AGBL1: variants seen among roughly 807,000 people sequenced by gnomAD.
The protein encoded by AGBL1 is AGBL carboxypeptidase 1.
AGBL1 carries 130 observed loss-of-function variants against 118.9 expected under a neutral mutation model. That is an observed-to-expected ratio of 1.09 (90% CI 0.95 to 1.26). The LOEUF (loss-of-function observed/expected upper bound fraction) is 1.26. AGBL1 is among the 50% of genes most tolerant of loss of function. The pLI is 0.00. For synonymous variants in AGBL1, 555 were observed against 478.9 expected, an observed-to-expected ratio of 1.16 and a Z score of -2.08; for missense variants, 1,584 against 1,298.1, an observed-to-expected ratio of 1.22 and a Z score of -3.38.
At chr15:86,977,217 A>AT (rs2081184565) in intron 23 of AGBL1, among the ~76,000 whole-genome samples, 2 of 151,814 alleles carry the variant, frequency 1.3e-5, no homozygotes, top group South Asian at 2.1e-4. Flanking sequence ...ATAAAAATTC[A>AT]TTTTTTCATG....
chr15:86,208,358 C>G (rs909559693), intron 5 of AGBL1, among the ~76,000 whole-genome samples: 1 of 151,992 alleles, frequency 6.6e-6, no homozygotes, highest in Non-Finnish European at 1.5e-5. Flanking sequence ...GAGGATTGCC[C>G]CTTTTTCTAT....
chr15:86,269,784 G>A, intron 13 of AGBL1, 135 bp from the exon 14 acceptor site: 1 of 1,034,080 alleles, frequency 9.7e-7, no homozygotes. Context: ...AGGATGATAA[G>A]TATAACTTAC....
chr15:86,735,911 T>G (rs1007355231), intron 22 of AGBL1, among the ~76,000 whole-genome samples: 3 of 152,122 alleles, frequency 2.0e-5, no homozygotes, highest in Admixed American at 6.6e-5. Flanking sequence ...ACGACTTTTA[T>G]GCTCACTTTG....
intron 22 of AGBL1, among the ~76,000 whole-genome samples, chr15:86,755,580 G>C (rs1004614431): frequency 5.3e-5 from 8 of 152,174 alleles, no homozygotes; most frequent in African/African-American, 1.7e-4. Context: ...CCTCTTCCAA[G>C]GATTCTTCCC....
chr15:86,643,554 TA>T (rs1462494147), intron 21 of AGBL1, among the ~76,000 whole-genome samples: 1 of 152,174 alleles, frequency 6.6e-6, no homozygotes, highest in Non-Finnish European at 1.5e-5. Flanking sequence ...TAATTAGATT[TA>T]TAGGACTTGT....
chr15:86,601,735 C>A (rs1332111290), intron 21 of AGBL1, among the ~76,000 whole-genome samples: 1 of 152,080 alleles, frequency 6.6e-6, no homozygotes, highest in Non-Finnish European at 1.5e-5. Context: ...TGACACATTC[C>A]ATTTAATAGC....
At chr15:86,883,358 C>T (rs762432859) in intron 22 of AGBL1, among the ~76,000 whole-genome samples, 63 of 152,226 alleles carry the variant, frequency 4.1e-4, no homozygotes, top group Non-Finnish European at 6.3e-4. Flanking sequence ...CCAGAATCCA[C>T]ACACAGCTTA....
intron 18 of AGBL1, among the ~76,000 whole-genome samples, chr15:86,489,229 G>A (rs566743974): frequency 3.3e-5 from 5 of 152,186 alleles, no homozygotes; most frequent in Admixed American, 2.6e-4. Flanking sequence ...TTATGATAAG[G>A]AGCCTTCCAT....
chr15:86,212,321 A>T (rs1052926205), intron 5 of AGBL1, among the ~76,000 whole-genome samples: 2 of 152,220 alleles, frequency 1.3e-5, no homozygotes, highest in Admixed American at 1.3e-4. Context: ...TAATAAAGAA[A>T]ATTAGAAAGT....
intron 18 of AGBL1, among the ~76,000 whole-genome samples, chr15:86,429,962 G>A (rs761034892): frequency 3.9e-5 from 6 of 152,140 alleles, no homozygotes; most frequent in Non-Finnish European, 8.8e-5. Context: ...GCTTTTCTGG[G>A]GGACAGCACA....
chr15:86,520,501 A>G (rs1307065360), intron 18 of AGBL1, among the ~76,000 whole-genome samples: 1 of 152,100 alleles, frequency 6.6e-6, no homozygotes, highest in Non-Finnish European at 1.5e-5. Flanking sequence ...GGAAATTGTG[A>G]TCTAAAATAG....
At chr15:86,742,495 C>T (rs2077694414) in intron 22 of AGBL1, among the ~76,000 whole-genome samples, 1 of 152,092 alleles carries the variant, frequency 6.6e-6, no homozygotes, top group Non-Finnish European at 1.5e-5. Flanking sequence ...TTCCCATGGG[C>T]TTGAAGTATC....
intron 18 of AGBL1, among the ~76,000 whole-genome samples, chr15:86,480,328 C>T (rs1039687408): frequency 6.6e-6 from 1 of 152,060 alleles, no homozygotes; most frequent in Admixed American, 6.6e-5. Context: ...ATATTGTATA[C>T]TGTAAATGTA....
chr15:86,864,787 T>G (rs144064486), intron 22 of AGBL1, among the ~76,000 whole-genome samples: 3 of 152,190 alleles, frequency 2.0e-5, no homozygotes, highest in Non-Finnish European at 4.4e-5. Flanking sequence ...GGAGTTACGA[T>G]GCACAATCAA....
intron 19 of AGBL1, among the ~76,000 whole-genome samples, chr15:86,524,976 T>A (rs144850956): frequency 2.5e-4 from 38 of 152,314 alleles, no homozygotes; most frequent in African/African-American, 8.9e-4. Context: ...TGTTTGCTAA[T>A]GATATGATCA....
chr15:86,905,505 T>C (rs189684341), intron 22 of AGBL1, among the ~76,000 whole-genome samples: 1 of 152,328 alleles, frequency 6.6e-6, no homozygotes, highest in Non-Finnish European at 1.5e-5. Context: ...ATGCTCTTCT[T>C]CCACACCATG....
intron 22 of AGBL1, among the ~76,000 whole-genome samples, chr15:86,720,008 G>C (rs912438069): frequency 1.3e-5 from 2 of 152,046 alleles, no homozygotes; most frequent in African/African-American, 4.8e-5. Flanking sequence ...GCTGCTTCAG[G>C]GGTTGACTCT....
intron 22 of AGBL1, among the ~76,000 whole-genome samples, chr15:86,856,550 G>A (rs1357194302): frequency 6.6e-6 from 1 of 152,242 alleles, no homozygotes; most frequent in African/African-American, 2.4e-5. Flanking sequence ...CTGCCAAACA[G>A]AAACAGATAC....
chr15:86,440,347 G>A (rs1021771968), intron 18 of AGBL1, among the ~76,000 whole-genome samples: 7 of 151,928 alleles, frequency 4.6e-5, no homozygotes, highest in African/African-American at 1.7e-4. Context: ...ATATTATTTG[G>A]CTATACTCAG....
Sources: allele counts gnomAD v4.1 joint callset (sites outside exome capture counted in the v4.1 genomes callset), GRCh38; gene constraint gnomAD v4.1.1; transcripts MANE v1.5; gene names NCBI Gene and HGNC (gene_info 2026-07-23, HGNC 2026-07-21).